The following AGBL4 variants were observed in gnomAD, a reference collection of about 807,000 sequenced individuals.
AGBL4 encodes cytosolic carboxypeptidase 6.
In AGBL4, 58 loss-of-function variants were observed where a neutral mutation model predicts 66.4. The observed-to-expected ratio is 0.87, with a 90% CI of 0.71 to 1.09. The LOEUF (loss-of-function observed/expected upper bound fraction) is 1.09. Ranked by LOEUF, AGBL4 falls within the 50% of genes least tolerant of loss-of-function variation. The pLI is 0.00. For synonymous variants in AGBL4, 234 were observed against 222.9 expected (o/e 1.05, Z -0.44); for missense variants, 579 against 631.0 (o/e 0.92, Z 0.88).
At chr1:49,875,098 T>C (rs150237673) in intron 1 of AGBL4, among the ~76,000 whole-genome samples, 3 of 150,122 alleles carry the variant, frequency 2.0e-5, no homozygotes, top group South Asian at 2.1e-4. Context: ...GTTCTTGTGA[T>C]AGTTTACTAA....
chr1:49,631,443 C>T (rs1025361997), intron 3 of AGBL4, among the ~76,000 whole-genome samples: 10 of 152,258 alleles, frequency 6.6e-5, no homozygotes, highest in African/African-American at 2.4e-4. Context: ...TAGCTAACTC[C>T]ACAGTCCTTG....
chr1:49,765,157 A>C (rs891302870), intron 2 of AGBL4, among the ~76,000 whole-genome samples: 1 of 152,086 alleles, frequency 6.6e-6, no homozygotes, highest in African/African-American at 2.4e-5. Flanking sequence ...GGAAGCTCAG[A>C]GCTCCAGCCA....
chr1:48,661,041 A>G (rs1303324430), intron 7 of AGBL4, among the ~76,000 whole-genome samples: 1 of 152,240 alleles, frequency 6.6e-6, no homozygotes, highest in African/African-American at 2.4e-5. Flanking sequence ...AAGATGAACA[A>G]GAAACCCCAT....
chr1:49,971,906 G>GGTTGTTTTTTT, intron 1 of AGBL4, among the ~76,000 whole-genome samples: 1 of 43,442 alleles, frequency 2.3e-5, no homozygotes, highest in Non-Finnish European at 4.3e-5. Flanking sequence ...GGTTTTTTTG[G>GGTTGTTTTTTT]GTTTTTTTTT....
chr1:49,711,722 G>A (rs1418831659), intron 2 of AGBL4, among the ~76,000 whole-genome samples: 3 of 151,934 alleles, frequency 2.0e-5, no homozygotes, highest in Non-Finnish European at 4.4e-5. Context: ...ATGTTGTTCA[G>A]TTACACAGTA....
chr1:49,569,388 C>T (rs1406310681), intron 3 of AGBL4, among the ~76,000 whole-genome samples: 2 of 151,998 alleles, frequency 1.3e-5, no homozygotes, highest in Admixed American at 6.6e-5. Flanking sequence ...GTTTGTGACT[C>T]AAAGGATAAA....
At chr1:49,570,399 A>G (rs1644302966) in intron 3 of AGBL4, among the ~76,000 whole-genome samples, 1 of 152,118 alleles carries the variant, frequency 6.6e-6, no homozygotes, top group African/African-American at 2.4e-5. Context: ...CTGCATAAAC[A>G]TTAAAAATAT....
intron 6 of AGBL4, among the ~76,000 whole-genome samples, chr1:48,744,896 C>A (rs1021853863): frequency 2.0e-5 from 3 of 152,178 alleles, no homozygotes; most frequent in Admixed American, 2.0e-4. Flanking sequence ...TTTGTCTTGG[C>A]GCTGAACACT....
chr1:48,843,733 T>A (rs1170441607), intron 6 of AGBL4, among the ~76,000 whole-genome samples: 2 of 152,048 alleles, frequency 1.3e-5, no homozygotes, highest in Non-Finnish European at 2.9e-5. Context: ...TGAAATGATC[T>A]AGTATAAACT....
chr1:49,693,706 T>A (rs1388115674), intron 3 of AGBL4, among the ~76,000 whole-genome samples: 5 of 151,998 alleles, frequency 3.3e-5, no homozygotes, highest in Admixed American at 1.3e-4. Context: ...GAAAAATAAC[T>A]TCAAAAAGAT....
intron 4 of AGBL4, among the ~76,000 whole-genome samples, chr1:49,203,088 C>CAAAAAAAAAAAA (rs139732827): frequency 2.2e-5 from 3 of 135,846 alleles, no homozygotes; most frequent in African/African-American, 2.7e-5. Flanking sequence ...TGGCTACTAT[C>CAAAAAAAAAAAA]AAAAAAAAAA....
At chr1:49,945,782 G>C (rs1286112537) in intron 1 of AGBL4, among the ~76,000 whole-genome samples, 1 of 151,978 alleles carries the variant, frequency 6.6e-6, no homozygotes, top group East Asian at 1.9e-4. Flanking sequence ...AAATGGATAA[G>C]AATTCATCAA....
intron 4 of AGBL4, among the ~76,000 whole-genome samples, chr1:49,170,778 G>T (rs1646724793): frequency 6.6e-6 from 1 of 151,636 alleles, no homozygotes. Context: ...CTTTGTTATG[G>T]TAGTTATCTA....
At chr1:48,563,965 T>G (rs1644434956) in intron 11 of AGBL4, among the ~76,000 whole-genome samples, 2 of 152,220 alleles carry the variant, frequency 1.3e-5, no homozygotes, top group South Asian at 4.1e-4. Flanking sequence ...ATGCAGCCAG[T>G]GCTCCCACAT....
chr1:48,723,030 G>T lies in AGBL4; in HGVS notation c.635-59789C>A, dbSNP rs190195532. ...CGGAGAGGTTAAGAATTTGTTTAAG[G>T]TCACACACCAAGTGGAAGAAACAGG... On this transcript the variant is annotated intron_variant, in intron 6 of 13. Transcript: ENST00000371839. Among the ~76,000 whole-genome samples, 306 of 152,268 alleles carry T rather than the reference G, an allele frequency of 2.0e-3. 1 individual carries two copies. Among genetic ancestry groups the T allele is most frequent in the Middle Eastern group, 0.01 (3 of 294 alleles).
chr1:48,714,849 G>T (rs1386850082), intron 6 of AGBL4, among the ~76,000 whole-genome samples: 3 of 152,188 alleles, frequency 2.0e-5, no homozygotes, highest in Non-Finnish European at 2.9e-5. Flanking sequence ...TATTGCTGAA[G>T]GGACACTGAG....
intron 3 of AGBL4, among the ~76,000 whole-genome samples, chr1:49,474,468 G>A (rs140413473): frequency 9.2e-4 from 140 of 152,060 alleles, no homozygotes; most frequent in African/African-American, 3.1e-3. Flanking sequence ...GTGCAGTGGT[G>A]TGAACATGGC....
intron 11 of AGBL4, among the ~76,000 whole-genome samples, chr1:48,572,968 C>T (rs1644592599): frequency 6.6e-6 from 1 of 152,190 alleles, no homozygotes; most frequent in South Asian, 2.1e-4. Flanking sequence ...AGCCCTGTGG[C>T]CAGTATCCTT....
In AGBL4 at chr1:49,500,170, T is replaced by A. The variant is rs183403133; in HGVS notation, c.282+197143A>T. 9.9e-4 allele frequency among the ~76,000 whole-genome samples: 150 copies of A among 152,244 alleles called. 2 individuals are homozygous for A. The East Asian group carries it at 0.025, about 26-fold the overall frequency. ...CATATGTTTGTTAGCCATTTGTATA[T>A]CTTCTTTTGAGAATTGTCTATTCAT... is the stretch of plus-strand genomic sequence containing the variant. On this transcript the variant is annotated intron_variant, in intron 3 of 13. Transcript: ENST00000371839.
Sources: gnomAD v4.1 joint callset for allele counts (sites outside exome capture counted in the v4.1 genomes callset) on GRCh38, gnomAD v4.1.1 for gene constraint, MANE v1.5 for transcripts, NCBI Gene and HGNC (gene_info 2026-07-23, HGNC 2026-07-21) for gene names.